POLR1A: variants seen among roughly 807,000 people sequenced by gnomAD.
POLR1A encodes DNA-directed RNA polymerase I subunit RPA1.
A neutral mutation model predicts 205.3 loss-of-function variants in POLR1A; 84 were observed. That is an observed-to-expected ratio of 0.41 (90% confidence interval 0.34 to 0.49). The LOEUF is 0.49. Ranked by LOEUF, POLR1A falls within the 20% of genes least tolerant of loss-of-function variation. POLR1A has a pLI of 0.22. For synonymous variants in POLR1A, 799 were observed against 863.7 expected (o/e 0.93, Z 1.31); for missense variants, 1,645 against 2,204.5 (o/e 0.75, Z 5.08).
At chr2:86,093,386 C>A (rs1462857354) in intron 3 of POLR1A, among the ~76,000 whole-genome samples, 2 of 152,186 alleles carry the variant, frequency 1.3e-5, no homozygotes, top group Admixed American at 6.5e-5. Flanking sequence ...TACCAACAAC[C>A]CCAAATACTT....
chr2:86,091,715 G>A (rs768357139), intron 3 of POLR1A, among the ~76,000 whole-genome samples: 3 of 152,170 alleles, frequency 2.0e-5, no homozygotes, highest in Non-Finnish European at 2.9e-5. Context: ...AACTTACTGT[G>A]AGCGCTGGTT....
chr2:86,034,752 G>T (rs960624497), intron 27 of POLR1A, among the ~76,000 whole-genome samples: 1 of 152,204 alleles, frequency 6.6e-6, no homozygotes, highest in African/African-American at 2.4e-5. Context: ...CGAAAAGACA[G>T]ACTCCAGGCC....
In POLR1A at chr2:86,028,741, G is replaced by T; in HGVS notation, c.4780-30C>A. On this transcript the variant is annotated intron_variant, in intron 31 of 33. Transcript: ENST00000263857. This position sits in a 1 kb window ranked among gnomAD's most constrained non-coding sequence, Gnocchi z 4.5. ...AGAGAGGAAGGAAGGGATTTATTTA[G>T]AGGGCCTGGCCTTCTGCTCCCTTCT... 1 of 1,546,794 alleles carries T rather than the reference G, an allele frequency of 6.5e-7. No homozygotes were observed. Among genetic ancestry groups the T allele is most frequent in the Non-Finnish European group, 8.9e-7 (1 of 1,119,228 alleles).
chr2:86,039,179 C>T lies in POLR1A; in HGVS notation c.3876+148G>A, dbSNP rs1573804878. 15 of 865,096 alleles carry T rather than the reference C, an allele frequency of 1.7e-5. No individual in the cohort carries two copies. The East Asian group carries it at 3.1e-4, about 18-fold the overall frequency. The allele number at this position is 865,096 out of a possible 1,614,324, so 53.6% of individuals were successfully genotyped here. The stretch of plus-strand genomic sequence containing the variant: ...TTAAAAGCTTCCTGATCCATCTCTG[C>T]TCAGCACCTGGCAGAGACAGCTTAT... On this transcript the variant is annotated intron_variant, in intron 26 of 33. Transcript: ENST00000263857.
chr2:86,044,132 A>T lies in POLR1A; in HGVS notation c.3135+7T>A. On this transcript the variant is annotated splice_region_variant and intron_variant, in intron 22 of 33. Coordinates refer to ENST00000263857, the MANE Select transcript of POLR1A (RefSeq NM_015425.6). Reference sequence around the variant, plus strand: ...CGGCCCCCAGGCTCCGGGATCTAGCACACTACCTCGTAGTTGCTGGCCAGG... The same window carrying T: ...CGGCCCCCAGGCTCCGGGATCTAGCTCACTACCTCGTAGTTGCTGGCCAGG... 1 of 1,613,872 alleles carries T rather than the reference A, an allele frequency of 6.2e-7. No individual in the cohort carries two copies.
chr2:86,053,941 T>C (rs1672851362), intron 15 of POLR1A, among the ~76,000 whole-genome samples, 199 bp downstream of exon 15: 2 of 152,354 alleles, frequency 1.3e-5, no homozygotes, highest in South Asian at 4.1e-4. Flanking sequence ...TTGTGAGTTT[T>C]ATACTGAGGG....
chr2:86,050,116 C>T (rs1236280621), intron 16 of POLR1A, among the ~76,000 whole-genome samples: 2 of 152,086 alleles, frequency 1.3e-5, no homozygotes, highest in Non-Finnish European at 2.9e-5. Context: ...CAGGGTTTCA[C>T]CACGTTGGCC....
chr2:86,030,457 GAGGC>G, intron 30 of POLR1A, 61 bp from the exon 31 acceptor site: 1 of 1,244,846 alleles, frequency 8.0e-7, no homozygotes, highest in Non-Finnish European at 1.2e-6. Context: ...AAAGAGGACT[GAGGC>G]GAGACTCCTT....
chr2:86,077,670 ACCT>A (rs1389490579), intron 11 of POLR1A, among the ~76,000 whole-genome samples, 186 bp downstream of exon 11: 2 of 151,956 alleles, frequency 1.3e-5, no homozygotes, highest in African/African-American at 4.8e-5. Context: ...GCTTCCAGTC[ACCT>A]CCTTGTGGGC....
chr2:86,078,836 G>A lies in POLR1A; in HGVS notation c.1087-552C>T, dbSNP rs566791642. Among the ~76,000 whole-genome samples the A allele has an allele frequency of 3.3e-5, 5 of 152,302 alleles. No homozygotes were observed. The South Asian group carries it at 1.0e-3, about 32-fold the overall frequency. ...AGCTATATCAAGTTAGTGGCTGATTGCCAAGTCTCATTGGAATATTTAACC... is the reference window on the plus strand; with the variant it reads ...AGCTATATCAAGTTAGTGGCTGATTACCAAGTCTCATTGGAATATTTAACC... On this transcript the variant is annotated intron_variant, in intron 9 of 33. Coordinates refer to ENST00000263857, the MANE Select transcript of POLR1A (RefSeq NM_015425.6).
rs535691084 is a variant in POLR1A, at chr2:86,065,347, G to A, written c.1985C>T (p.Thr662Met). The A allele has an allele frequency of 4.5e-5, 72 of 1,614,014 alleles. No individual in the cohort carries two copies. The highest frequency in any genetic ancestry group is 7.7e-5 in the South Asian group (7 of 91,090). Residue 662 changes from threonine to methionine, a missense_variant, in exon 14 of 34, where the codon ACG becomes ATG. Coordinates refer to ENST00000263857, the MANE Select transcript of POLR1A (RefSeq NM_015425.6). ...GAGCTTCACGCGCCCCACTTTGTCC[G>A]TGAGTCCTCGGTACACCAGCTCCAT... is the stretch of plus-strand genomic sequence containing the variant. The part of the protein sequence containing the change: ...HYMELVYRGL[T>M]DKVGRVKLLS...
Position 86,070,497 on chromosome 2 carries a change from G to A in POLR1A, c.1612-225C>T, listed in dbSNP as rs1406015940. On this transcript the variant is annotated intron_variant, in intron 12 of 33. Coordinates refer to ENST00000263857, the MANE Select transcript of POLR1A (RefSeq NM_015425.6). The surrounding 1 kb of genome is among the most constrained non-coding windows in gnomAD (Gnocchi z 4.4). ...CTTTACAACCCTGATCCTGGCTCTAGGCTCAGAAGTATAAGGAACAAATAA... is the reference window on the plus strand; with the variant it reads ...CTTTACAACCCTGATCCTGGCTCTAAGCTCAGAAGTATAAGGAACAAATAA... 6.6e-6 allele frequency among the ~76,000 whole-genome samples: 1 copy of A among 152,094 alleles called. No individual in the cohort carries two copies. Among genetic ancestry groups the A allele is most frequent in the African/African-American group, 2.4e-5 (1 of 41,390 alleles).
intron 30 of POLR1A, among the ~76,000 whole-genome samples, 197 bp from the exon 31 acceptor site, chr2:86,030,593 T>C (rs1672368648): frequency 6.6e-6 from 1 of 152,118 alleles, no homozygotes. Context: ...GTCCCCCAGA[T>C]TCAGGGGGAA....
intron 6 of POLR1A, among the ~76,000 whole-genome samples, chr2:86,087,700 G>A (rs1488635608): frequency 6.6e-6 from 1 of 151,806 alleles, no homozygotes; most frequent in Non-Finnish European, 1.5e-5. Context: ...CCGCCACCAC[G>A]CCTGGCTAAT....
intron 6 of POLR1A, among the ~76,000 whole-genome samples, chr2:86,087,091 C>G (rs1673515897): frequency 6.6e-6 from 1 of 152,118 alleles, no homozygotes; most frequent in African/African-American, 2.4e-5. Flanking sequence ...TAGTGTTGCA[C>G]CAATGTTAAA....
chr2:86,073,172 C>G (rs1673209570), intron 12 of POLR1A, among the ~76,000 whole-genome samples: 1 of 150,080 alleles, frequency 6.7e-6, no homozygotes, highest in South Asian at 2.1e-4. Flanking sequence ...GCACTTTAGC[C>G]TGGGAGACAG....
chr2:86,088,701 GA>G (rs763644237), intron 5 of POLR1A, 32 bp from the exon 6 acceptor site: 1 of 1,604,060 alleles, frequency 6.2e-7, no homozygotes, highest in African/African-American at 1.3e-5. Context: ...ATTGAAGAGA[GA>G]AAAAACCCAG....
At position 86,022,763 on chromosome 2, in the gene POLR1A, A is replaced by C. The variant is rs1034870818; in HGVS notation, c.*4660T>G. 1.3e-5 allele frequency: 2 copies of C among 152,108 alleles called. No homozygotes were observed. Among genetic ancestry groups the C allele is most frequent in the African/African-American group, 4.8e-5 (2 of 41,408 alleles). 9.4% of individuals were successfully genotyped at this position (152,108 alleles called of 1,614,324 possible). On this transcript the variant is annotated 3_prime_UTR_variant, in exon 34 of 34. Transcript: ENST00000263857. Reference sequence around the variant, plus strand: ...GTCACAACACCTGGCTAATTTTTGTAGATACGGGGTCTCACTGGGTTGCCC... The same window carrying C: ...GTCACAACACCTGGCTAATTTTTGTCGATACGGGGTCTCACTGGGTTGCCC...
At position 86,044,280 on chromosome 2, in the gene POLR1A, C is replaced by T; in HGVS notation, c.2994G>A (p.Gly998=). The change falls in exon 22 of 34, where the codon GGG becomes GGA. Residue 998 remains glycine, a synonymous_variant. Transcript: ENST00000263857. The stretch of plus-strand genomic sequence containing the variant: ...CCGTGAGATCATACTGCACGACCAG[C>T]CCCTCTAGGTGCTTGATGATGCACC... ...LQRCIIKHLE[G]LVVQYDLTVR... The T allele has an allele frequency of 6.2e-7, 1 of 1,614,208 alleles. No homozygotes were observed. The highest frequency in any genetic ancestry group is 1.1e-5 in the South Asian group (1 of 91,086).
Sources: allele counts gnomAD v4.1 joint callset (sites outside exome capture counted in the v4.1 genomes callset), GRCh38; gene constraint gnomAD v4.1.1; non-coding constraint Gnocchi (gnomAD v3.1); transcripts MANE v1.5; gene names NCBI Gene and HGNC (gene_info 2026-07-23, HGNC 2026-07-21).